TRDN: variants seen among roughly 807,000 people sequenced by gnomAD.
The protein encoded by TRDN is triadin.
In TRDN, 161 loss-of-function variants were observed where a neutral mutation model predicts 149.7. That is an observed-to-expected ratio of 1.08 (90% confidence interval 0.95 to 1.23). The LOEUF (loss-of-function observed/expected upper bound fraction) is 1.23. TRDN is among the 50% of genes most tolerant of loss of function. The pLI is 0.00. For synonymous variants in TRDN, 294 were observed against 250.5 expected, an observed-to-expected ratio of 1.17 and a Z score of -1.64; for missense variants, 896 against 823.5, an observed-to-expected ratio of 1.09 and a Z score of -1.08.
intron 23 of TRDN, among the ~76,000 whole-genome samples, chr6:123,325,494 A>T (rs1170433012): frequency 6.6e-6 from 1 of 152,156 alleles, no homozygotes; most frequent in South Asian, 2.1e-4. Context: ...ATGAGTGAAG[A>T]TGACATATGT....
Position 123,337,773 on chromosome 6 carries a change from A to G in TRDN, c.1370-104T>C, listed in dbSNP as rs896945001. On this transcript the variant is annotated intron_variant, in intron 21 of 40. Coordinates refer to ENST00000334268, the MANE Select transcript of TRDN (RefSeq NM_006073.4). The stretch of plus-strand genomic sequence containing the variant: ...ATACTGAGGCTTAAGATCACAGGGC[A>G]TCTGAGTTGATATTCACAATACAAA... 3 of 585,668 alleles carry G rather than the reference A, an allele frequency of 5.1e-6. No individual in the cohort carries two copies. In the African/African-American group the frequency reaches 5.9e-5, roughly 12 times the overall value. The allele number at this position is 585,668 out of a possible 1,614,324, so 36.3% of individuals were successfully genotyped here.
At chr6:123,400,677 A>G (rs1461712835) in intron 12 of TRDN, among the ~76,000 whole-genome samples, 1 of 152,162 alleles carries the variant, frequency 6.6e-6, no homozygotes, top group Non-Finnish European at 1.5e-5. Flanking sequence ...CACTTTACAT[A>G]TAAGGTAGAG....
chr6:123,516,017 T>A, intron 6 of TRDN, 124 bp downstream of exon 6: 7 of 1,075,790 alleles, frequency 6.5e-6, no homozygotes, highest in Non-Finnish European at 8.3e-6. Context: ...CAGATTCTAT[T>A]CTGAGAAAAT....
At chr6:123,368,326 T>C (rs1582926706) in intron 19 of TRDN, among the ~76,000 whole-genome samples, 1 of 152,186 alleles carries the variant, frequency 6.6e-6, no homozygotes, top group East Asian at 1.9e-4. Context: ...TTGTGGCCTT[T>C]CCTGACATTC....
intron 6 of TRDN, among the ~76,000 whole-genome samples, chr6:123,514,081 T>A (rs1193132606): frequency 2.0e-5 from 3 of 152,140 alleles, no homozygotes; most frequent in Admixed American, 2.0e-4. Flanking sequence ...ACAATCTTTT[T>A]TGGATGGGTG....
chr6:123,602,639 G>A (rs186113472), intron 1 of TRDN, among the ~76,000 whole-genome samples: 90 of 152,098 alleles, frequency 5.9e-4, no homozygotes, highest in Middle Eastern at 3.4e-3. Flanking sequence ...CTGACTCCAG[G>A]AGTTACCCTA....
intron 19 of TRDN, among the ~76,000 whole-genome samples, chr6:123,366,437 G>A (rs1312019268): frequency 6.6e-6 from 1 of 152,050 alleles, no homozygotes; most frequent in South Asian, 2.1e-4. Flanking sequence ...CATAAAAGAA[G>A]GTGGCCTATT....
At chr6:123,284,029 T>C (rs1777710256) in intron 24 of TRDN, among the ~76,000 whole-genome samples, 1 of 123,040 alleles carries the variant, frequency 8.1e-6, no homozygotes, top group South Asian at 3.0e-4. Context: ...ATTGTGCACA[T>C]GTACCCTAAA....
chr6:123,421,449 A>ATC (rs1293710310), intron 12 of TRDN: 7 of 152,144 alleles, frequency 4.6e-5, no homozygotes, highest in Non-Finnish European at 7.3e-5. Context: ...AAACTTAATT[A>ATC]TATCAGCTAC....
At chr6:123,237,937 C>T (rs1775849739) in intron 38 of TRDN, among the ~76,000 whole-genome samples, 1 of 152,108 alleles carries the variant, frequency 6.6e-6, no homozygotes, top group African/African-American at 2.4e-5. Flanking sequence ...AAATTGATAA[C>T]AGCATTCCCC....
At chr6:123,418,552 AG>A (rs1359473233) in intron 12 of TRDN, 1 of 152,156 alleles carries the variant, frequency 6.6e-6, no homozygotes, top group East Asian at 1.9e-4. Context: ...CAAAAGAACA[AG>A]TACCTCTTCA....
intron 12 of TRDN, among the ~76,000 whole-genome samples, chr6:123,416,409 G>T (rs1773650713): frequency 6.8e-6 from 1 of 147,482 alleles, no homozygotes; most frequent in Non-Finnish European, 1.5e-5. Flanking sequence ...CTGTGTGAAG[G>T]TTGCATTTTT....
chr6:123,354,862 T>C (rs978486123), intron 20 of TRDN, among the ~76,000 whole-genome samples: 20 of 151,706 alleles, frequency 1.3e-4, no homozygotes, highest in African/African-American at 4.8e-4. Flanking sequence ...AAGGATGGCC[T>C]AATTTAATTA....
chr6:123,449,525 G>A lies in TRDN; in HGVS notation c.932-10522C>T, dbSNP rs187723595. On this transcript the variant is annotated intron_variant, in intron 10 of 40. Coordinates refer to ENST00000334268, the MANE Select transcript of TRDN (RefSeq NM_006073.4). ...CCCAATCCAATAAAGACAAAGAACAGTGAATAAGAAAATATGAACAAAGCT... is the reference window on the plus strand; with the variant it reads ...CCCAATCCAATAAAGACAAAGAACAATGAATAAGAAAATATGAACAAAGCT... Among the ~76,000 whole-genome samples, 521 of 152,194 alleles carry A rather than the reference G, an allele frequency of 3.4e-3. 5 individuals are homozygous for A. In the South Asian group the frequency reaches 0.039, roughly 12 times the overall value.
intron 35 of TRDN, among the ~76,000 whole-genome samples, chr6:123,257,263 C>G (rs962581358): frequency 3.3e-5 from 5 of 151,572 alleles, no homozygotes; most frequent in African/African-American, 4.8e-5. Context: ...CAGGCATGAG[C>G]AACCACGCCC....
chr6:123,372,211 C>A (rs79899952), intron 19 of TRDN, among the ~76,000 whole-genome samples: 1 of 151,970 alleles, frequency 6.6e-6, no homozygotes, highest in Admixed American at 6.6e-5. Context: ...GCAGTTGTCT[C>A]CAAATATTCT....
At chr6:123,603,067 G>T (rs1007445870) in intron 1 of TRDN, among the ~76,000 whole-genome samples, 1 of 142,952 alleles carries the variant, frequency 7.0e-6, no homozygotes, top group Non-Finnish European at 1.5e-5. Flanking sequence ...TCAGACCTTT[G>T]TTATTCCAAG....
intron 10 of TRDN, among the ~76,000 whole-genome samples, chr6:123,443,097 G>T (rs1222934491): frequency 6.6e-6 from 1 of 151,938 alleles, no homozygotes; most frequent in Non-Finnish European, 1.5e-5. Context: ...CTGGGAATGG[G>T]TAACCTAAAA....
At chr6:123,346,685 C>T (rs1355203989) in intron 21 of TRDN, among the ~76,000 whole-genome samples, 3 of 151,868 alleles carry the variant, frequency 2.0e-5, no homozygotes, top group African/African-American at 4.8e-5. Flanking sequence ...AAGGAGGACA[C>T]AAGTTTGTGT....
Sources: allele counts gnomAD v4.1 joint callset (sites outside exome capture counted in the v4.1 genomes callset), GRCh38; gene constraint gnomAD v4.1.1; transcripts MANE v1.5; gene names NCBI Gene and HGNC (gene_info 2026-07-23, HGNC 2026-07-21).